The following GHR variants were observed in gnomAD, a reference collection of about 807,000 sequenced individuals.
The protein encoded by GHR is GH receptor.
In GHR, 35 loss-of-function variants were observed where a neutral mutation model predicts 67.1. The observed-to-expected ratio is 0.52, with a 90% CI of 0.40 to 0.69. GHR has a LOEUF of 0.69. Ranked by LOEUF, GHR falls within the 30% of genes least tolerant of loss-of-function variation. The probability of loss-of-function intolerance (pLI) is 0.00; values close to 1 mark genes in which losing one functional copy is unlikely to be tolerated. For synonymous variants in GHR, 272 were observed against 269.1 expected (o/e 1.01, Z -0.10); for missense variants, 792 against 764.6 (o/e 1.04, Z -0.42).
chr5:42,483,486 G>C (rs1409206077), intron 1 of GHR, among the ~76,000 whole-genome samples: 3 of 148,176 alleles, frequency 2.0e-5, no homozygotes, highest in Non-Finnish European at 3.0e-5. Flanking sequence ...TATTTTATTT[G>C]GACATGTTAA....
Position 42,635,153 on chromosome 5 carries a change from T to C in GHR, c.136+6050T>C, listed in dbSNP as rs139808923. ...AATTTAGTAAGTAAACATAGATTCT[T>C]GCAATCCCTTTTAAGGAAACAGTGT... On this transcript the variant is annotated intron_variant, in intron 3 of 9. Coordinates refer to ENST00000230882, the MANE Select transcript of GHR (RefSeq NM_000163.5). Among the ~76,000 whole-genome samples the C allele has an allele frequency of 4.3e-3, 660 of 152,316 alleles. 4 individuals are homozygous for C. The highest frequency in any genetic ancestry group is 6.6e-3 in the Non-Finnish European group (451 of 68,030).
At chr5:42,667,527 C>G (rs1756051202) in intron 3 of GHR, among the ~76,000 whole-genome samples, 1 of 152,180 alleles carries the variant, frequency 6.6e-6, no homozygotes, top group Non-Finnish European at 1.5e-5. Context: ...TGAAAAATAC[C>G]AATGCCCAGG....
intron 2 of GHR, among the ~76,000 whole-genome samples, chr5:42,626,130 C>G (rs1377289117): frequency 6.6e-6 from 1 of 152,154 alleles, no homozygotes; most frequent in Non-Finnish European, 1.5e-5. Context: ...CACAAATTCT[C>G]CAACAGATTC....
intron 1 of GHR, among the ~76,000 whole-genome samples, chr5:42,498,025 A>G (rs1306061989): frequency 2.0e-5 from 3 of 152,066 alleles, no homozygotes; most frequent in African/African-American, 7.2e-5. Context: ...GTGGGTTAAT[A>G]TTTTGCGTTA....
At chr5:42,621,388 A>G (rs1324220663) in intron 2 of GHR, among the ~76,000 whole-genome samples, 1 of 152,090 alleles carries the variant, frequency 6.6e-6, no homozygotes. Context: ...GCCAAACTCT[A>G]GTATCTGTCT....
At chr5:42,480,488 G>T (rs1168233361) in intron 1 of GHR, among the ~76,000 whole-genome samples, 1 of 152,178 alleles carries the variant, frequency 6.6e-6, no homozygotes, top group Non-Finnish European at 1.5e-5. Flanking sequence ...ACATTGGGGT[G>T]TTAAAGTCTC....
chr5:42,644,210 A>G (rs1330614857), intron 3 of GHR, among the ~76,000 whole-genome samples: 1 of 152,212 alleles, frequency 6.6e-6, no homozygotes, highest in Non-Finnish European at 1.5e-5. Flanking sequence ...GTCTCCTGAT[A>G]CTTAAAATAA....
intron 1 of GHR, among the ~76,000 whole-genome samples, chr5:42,563,347 G>C (rs1749722478): frequency 6.6e-6 from 1 of 152,120 alleles, no homozygotes; most frequent in Non-Finnish European, 1.5e-5. Context: ...GGGCACGGTG[G>C]CTCATACCTG....
intron 1 of GHR, among the ~76,000 whole-genome samples, chr5:42,559,729 C>G (rs1749500033): frequency 6.6e-6 from 1 of 152,174 alleles, no homozygotes; most frequent in East Asian, 1.9e-4. Flanking sequence ...TATATCAAAA[C>G]TGTCTGTGAG....
intron 1 of GHR, among the ~76,000 whole-genome samples, chr5:42,506,255 A>G (rs949888210): frequency 2.6e-5 from 4 of 152,104 alleles, no homozygotes; most frequent in Admixed American, 6.5e-5. Flanking sequence ...TTAATGTGGA[A>G]TTTTTTTCCC....
intron 1 of GHR, among the ~76,000 whole-genome samples, chr5:42,551,232 G>T (rs889206559): frequency 1.3e-5 from 2 of 152,138 alleles, no homozygotes; most frequent in African/African-American, 4.8e-5. Context: ...GAGCTCATCT[G>T]TTACACCCAC....
chr5:42,513,292 T>TA (rs1278536547), intron 1 of GHR, among the ~76,000 whole-genome samples: 1 of 152,204 alleles, frequency 6.6e-6, no homozygotes, highest in Non-Finnish European at 1.5e-5. Flanking sequence ...CCTAGGGCTA[T>TA]AATAGGAAAT....
chr5:42,653,755 T>A (rs1755119407), intron 3 of GHR, among the ~76,000 whole-genome samples: 1 of 152,154 alleles, frequency 6.6e-6, no homozygotes, highest in African/African-American at 2.4e-5. Flanking sequence ...TTAAGCCTTC[T>A]CTGTCCATGG....
At chr5:42,573,562 A>G (rs905231817) in intron 2 of GHR, among the ~76,000 whole-genome samples, 1 of 152,090 alleles carries the variant, frequency 6.6e-6, no homozygotes, top group Non-Finnish European at 1.5e-5. Flanking sequence ...TCTCTACACC[A>G]CCTGCCTCCT....
At chr5:42,492,430 C>T (rs1746154419) in intron 1 of GHR, among the ~76,000 whole-genome samples, 1 of 152,086 alleles carries the variant, frequency 6.6e-6, no homozygotes, top group African/African-American at 2.4e-5. Context: ...ACTGTCAGTT[C>T]TTTCTGTGAA....
Position 42,718,000 on chromosome 5 carries a change from G to A in GHR, c.876-52G>A. The A allele has an allele frequency of 6.0e-6, 5 of 831,306 alleles. No individual in the cohort carries two copies. The South Asian group carries it at 6.7e-5, about 11-fold the overall frequency. 51.5% of individuals were successfully genotyped at this position (831,306 alleles called of 1,614,324 possible). On this transcript the variant is annotated intron_variant, in intron 8 of 9. Transcript: ENST00000230882. ...TTTATTTCTATCTTTTGCTATAATT[G>A]AGAATATGTAGCTTTTAAGATGTCA...
chr5:42,537,235 T>C (rs1028792945), intron 1 of GHR, among the ~76,000 whole-genome samples: 2 of 152,140 alleles, frequency 1.3e-5, no homozygotes, highest in Non-Finnish European at 2.9e-5. Context: ...TCTAGTTCCT[T>C]GAGGTTTGAC....
intron 1 of GHR, among the ~76,000 whole-genome samples, chr5:42,430,338 T>C (rs1743037182): frequency 1.3e-5 from 2 of 152,066 alleles, no homozygotes; most frequent in Non-Finnish European, 2.9e-5. Context: ...TGCCACAGCA[T>C]TGTCTTCCTG....
Position 42,678,798 on chromosome 5 carries a change from A to G in GHR, c.137-10092A>G, listed in dbSNP as rs1008406972. 2.4e-4 allele frequency among the ~76,000 whole-genome samples: 36 copies of G among 152,002 alleles called. 1 individual carries two copies. The highest frequency in any genetic ancestry group is 2.2e-3 in the Admixed American group (33 of 15,254). ...GACCTGTATTAGTAAATCAATTTATAGGGTTGCAAGCAGCATCATTTATAA... is the reference window on the plus strand; with the variant it reads ...GACCTGTATTAGTAAATCAATTTATGGGGTTGCAAGCAGCATCATTTATAA... On this transcript the variant is annotated intron_variant, in intron 3 of 9. Transcript: ENST00000230882.
Sources: gnomAD v4.1 joint callset for allele counts (sites outside exome capture counted in the v4.1 genomes callset) on GRCh38, gnomAD v4.1.1 for gene constraint, MANE v1.5 for transcripts, NCBI Gene and HGNC (gene_info 2026-07-23, HGNC 2026-07-21) for gene names.